Variants in EPHA5 observed in about 807,000 individuals in gnomAD.
EPHA5 encodes the protein EPH receptor A5, also known as ephrin type-A receptor 5.
In EPHA5, 60 loss-of-function variants were observed where a neutral mutation model predicts 105.0. The ratio of observed to expected loss-of-function variants is 0.57; its 90% confidence interval spans 0.46 to 0.71. The LOEUF (loss-of-function observed/expected upper bound fraction) is 0.71. Among genes scored for constraint, EPHA5 ranks in the 30% least tolerant of loss-of-function variants. The pLI is 0.00. For synonymous variants in EPHA5, 513 were observed against 449.1 expected (o/e 1.14, Z -1.80); for missense variants, 1,218 against 1,274.7 (o/e 0.96, Z 0.68).
intron 5 of EPHA5, among the ~76,000 whole-genome samples, chr4:65,445,183 T>A (rs1260472954): frequency 6.6e-6 from 1 of 152,132 alleles, no homozygotes; most frequent in Non-Finnish European, 1.5e-5. Flanking sequence ...CAATCTATAC[T>A]TTAAAAACCT....
intron 3 of EPHA5, among the ~76,000 whole-genome samples, chr4:65,509,829 A>C (rs1733424211): frequency 6.6e-6 from 1 of 152,152 alleles, no homozygotes; most frequent in Non-Finnish European, 1.5e-5. Context: ...TAGCATAATC[A>C]TCAGATGAAG....
intron 3 of EPHA5, among the ~76,000 whole-genome samples, chr4:65,586,424 A>G (rs1742131081): frequency 6.6e-6 from 1 of 151,630 alleles, no homozygotes. Context: ...TTCTTTTTAT[A>G]TCTTCTTTTC....
chr4:65,357,223 G>A (rs1723386157), intron 11 of EPHA5, among the ~76,000 whole-genome samples: 1 of 151,316 alleles, frequency 6.6e-6, no homozygotes, highest in East Asian at 1.9e-4. Flanking sequence ...TATTATAATA[G>A]ACTTTTTCAG....
chr4:65,575,998 G>C (rs35890920), intron 3 of EPHA5, among the ~76,000 whole-genome samples: 1 of 82,006 alleles, frequency 1.2e-5, no homozygotes, highest in African/African-American at 4.9e-5. Flanking sequence ...GAGAGAGAGA[G>C]AGAGAAAGAA....
rs774106217 is a variant in EPHA5 at position 65,669,692 on chromosome 4, G to A, written c.51C>T (p.Gly17=). The change falls in exon 1 of 17, where the codon GGC becomes GGT. Residue 17 remains glycine, a synonymous_variant. Coordinates refer to ENST00000613740, the MANE Select transcript of EPHA5 (RefSeq NM_001281766.3). ...CTGGGGTGATGGGGGTGTCGCCGCC[G>A]CCGCTTGGGGGCCGCCGGCGTCCCG... ...RGAGRRRPPS[G]GGDTPITPAS... is the part of the protein sequence containing the mutation. 2 of 1,309,368 alleles carry A rather than the reference G, an allele frequency of 1.5e-6. No individual in the cohort carries two copies. Among genetic ancestry groups the A allele is most frequent in the South Asian group, 2.4e-5 (1 of 41,494 alleles). The allele number at this position is 1,309,368 out of a possible 1,614,324, so 81.1% of individuals were successfully genotyped here.
chr4:65,637,186 C>G (rs1747198491), intron 2 of EPHA5, among the ~76,000 whole-genome samples: 1 of 142,644 alleles, frequency 7.0e-6, no homozygotes, highest in African/African-American at 2.6e-5. Context: ...GGGAAGTACT[C>G]AAAGACTAAA....
chr4:65,646,572 C>T (rs984467503), intron 1 of EPHA5, among the ~76,000 whole-genome samples: 2 of 152,146 alleles, frequency 1.3e-5, no homozygotes, highest in Non-Finnish European at 2.9e-5. Context: ...AAAGAATTAT[C>T]TGGCCAAAAT....
intron 8 of EPHA5, among the ~76,000 whole-genome samples, chr4:65,395,732 A>G (rs1168118781): frequency 6.6e-6 from 1 of 152,234 alleles, no homozygotes; most frequent in Admixed American, 6.5e-5. Context: ...TGACAATCAA[A>G]GAGAAGACTG....
chr4:65,469,569 G>A (rs552029587), intron 5 of EPHA5, among the ~76,000 whole-genome samples: 251 of 152,228 alleles, frequency 1.6e-3, no homozygotes, highest in Middle Eastern at 6.8e-3. Context: ...GAGCAAAAGG[G>A]CAGAGTTGGA....
intron 1 of EPHA5, among the ~76,000 whole-genome samples, chr4:65,662,933 T>C (rs1341718499): frequency 6.6e-6 from 1 of 152,018 alleles, no homozygotes; most frequent in Non-Finnish European, 1.5e-5. Context: ...ACACAACAAT[T>C]AAAGGCATGA....
chr4:65,588,121 C>T (rs757773121), intron 3 of EPHA5, among the ~76,000 whole-genome samples: 1 of 152,098 alleles, frequency 6.6e-6, no homozygotes, highest in Non-Finnish European at 1.5e-5. Flanking sequence ...CTTTCAGTTG[C>T]CCCTGAAACA....
At chr4:65,468,549 A>T (rs1222949576) in intron 5 of EPHA5, among the ~76,000 whole-genome samples, 1 of 101,538 alleles carries the variant, frequency 9.8e-6, no homozygotes, top group African/African-American at 4.0e-5. Context: ...ATATATATAT[A>T]ATATATATAT....
chr4:65,331,298 A>G, intron 16 of EPHA5: 1 of 1,034,334 alleles, frequency 9.7e-7, no homozygotes. Context: ...AATAAAATAC[A>G]AACAACTTAC....
intron 3 of EPHA5, among the ~76,000 whole-genome samples, chr4:65,576,065 A>C (rs1042262007): frequency 7.2e-5 from 4 of 55,404 alleles, no homozygotes; most frequent in Non-Finnish European, 1.4e-4. Context: ...AAAGAAAAGA[A>C]AAGAAAAGAA....
chr4:65,624,206 AATT>A (rs1178114250), intron 2 of EPHA5, among the ~76,000 whole-genome samples: 2 of 152,330 alleles, frequency 1.3e-5, no homozygotes, highest in Middle Eastern at 3.4e-3. Context: ...AAAATGAAAG[AATT>A]ATTATGCTTC....
At chr4:65,425,530 G>A (rs1241702837) in intron 5 of EPHA5, among the ~76,000 whole-genome samples, 1 of 151,812 alleles carries the variant, frequency 6.6e-6, no homozygotes, top group Non-Finnish European at 1.5e-5. Flanking sequence ...TAAAGACTCT[G>A]GTGGAATCAT....
At chr4:65,476,121 AG>A (rs1285563070) in intron 5 of EPHA5, among the ~76,000 whole-genome samples, 1 of 133,072 alleles carries the variant, frequency 7.5e-6, no homozygotes, top group African/African-American at 2.9e-5. Flanking sequence ...AGAGAGAGAG[AG>A]AGAGAGTGTG....
chr4:65,556,010 T>A (rs2149348603), intron 3 of EPHA5, among the ~76,000 whole-genome samples: 1 of 152,294 alleles, frequency 6.6e-6, no homozygotes, highest in Non-Finnish European at 1.5e-5. Context: ...ACTCTATTTT[T>A]AAATGGAATT....
chr4:65,572,815 G>A (rs1243563541), intron 3 of EPHA5, among the ~76,000 whole-genome samples: 1 of 151,788 alleles, frequency 6.6e-6, no homozygotes. Context: ...CGGATAACCT[G>A]AGGTCAGGAG....
Sources: allele counts gnomAD v4.1 joint callset (sites outside exome capture counted in the v4.1 genomes callset), GRCh38; gene constraint gnomAD v4.1.1; transcripts MANE v1.5; gene names NCBI Gene and HGNC (gene_info 2026-07-23, HGNC 2026-07-21).